The following MYO6 variants were observed in gnomAD, a reference collection of about 807,000 sequenced individuals.
The protein encoded by MYO6 is myosin VI.
In MYO6, 74 loss-of-function variants were observed where a neutral mutation model predicts 178.7. The observed-to-expected ratio is 0.41, with a 90% CI of 0.34 to 0.50. The LOEUF is 0.50. Among genes scored for constraint, MYO6 ranks in the 20% least tolerant of loss-of-function variants. MYO6 has a pLI of 0.09. For synonymous variants in MYO6, 477 were observed against 504.6 expected, an observed-to-expected ratio of 0.95 and a Z score of 0.73; for missense variants, 1,330 against 1,547.4, an observed-to-expected ratio of 0.86 and a Z score of 2.36.
At chr6:75,888,527 T>A (rs1778648258) in intron 25 of MYO6, among the ~76,000 whole-genome samples, 1 of 151,752 alleles carries the variant, frequency 6.6e-6, no homozygotes, top group African/African-American at 2.4e-5. Context: ...GAGGATTGCT[T>A]GAGCCTAGGA....
At position 75,835,972 on chromosome 6, in the gene MYO6, C is replaced by T; in HGVS notation, c.553+16C>T. On this transcript the variant is annotated intron_variant, in intron 7 of 34. Coordinates refer to ENST00000369977, the MANE Select transcript of MYO6 (RefSeq NM_004999.4). ...ATTGTTGAAGGTATTGCTAATTTTT[C>T]AGTTGTTACGCGTGTACTGAAATTA... 3 of 1,570,926 alleles carry T rather than the reference C, an allele frequency of 1.9e-6. No homozygotes were observed. Among genetic ancestry groups the T allele is most frequent in the African/African-American group, 1.3e-5 (1 of 74,148 alleles).
intron 1 of MYO6, among the ~76,000 whole-genome samples, chr6:75,763,049 C>T (rs1328036864): frequency 1.2e-4 from 17 of 140,506 alleles, no homozygotes; most frequent in South Asian, 4.5e-4. Flanking sequence ...TTTTTTGAGA[C>T]GGAGTCTCAC....
At position 75,915,338 on chromosome 6, in the gene MYO6, C is replaced by CT; in HGVS notation, c.*332dup. The CT allele has an allele frequency of 2.7e-6, 1 of 364,120 alleles. No homozygotes were observed. Among genetic ancestry groups the CT allele is most frequent in the South Asian group, 2.6e-5 (1 of 39,150 alleles). 22.6% of individuals were successfully genotyped at this position (364,120 alleles called of 1,614,324 possible). On this transcript the variant is annotated 3_prime_UTR_variant, in exon 35 of 35. Transcript: ENST00000369977. ...GTAATTGTTCTCTAGGAAAAGAGAA[C>CT]TTTTTTCAAAATTCAAAATACTTTT...
chr6:75,830,418 A>G lies in MYO6; in HGVS notation c.264A>G (p.Thr88=), dbSNP rs1772961050. ...ATGTTTATGCTTTTCGTATTTAGAC[A>G]TATGTCGCCAACATTCTGATTGCAG... The part of the protein sequence containing the change: ...KVRYSKDRIY[T]YVANILIAVN... The change falls in exon 5 of 35, where the codon ACA becomes ACG. Residue 88 remains threonine (T), a splice_region_variant and synonymous_variant. Transcript: ENST00000369977. 6.2e-7 allele frequency: 1 copy of G among 1,610,516 alleles called. No homozygotes were observed. The highest frequency in any genetic ancestry group is 8.5e-7 in the Non-Finnish European group (1 of 1,177,016).
chr6:75,854,275 CTTTTTTTTTTTTTTT>C (rs61398235), intron 11 of MYO6, among the ~76,000 whole-genome samples: 5 of 45,464 alleles, frequency 1.1e-4, no homozygotes, highest in African/African-American at 3.3e-4. Flanking sequence ...AACTGCATTG[CTTTTTTTTTTTTTTT>C]TTTTTTTTTT....
rs959111072 is a variant in MYO6 at position 75,791,037 on chromosome 6, C to T, written c.-47-26464C>T. 2.6e-5 allele frequency among the ~76,000 whole-genome samples: 4 copies of T among 152,064 alleles called. No individual in the cohort carries two copies. In the South Asian group the frequency reaches 8.3e-4, roughly 32 times the overall value. ...CAAGCTCCGCCTCCCGAGTTCATGC[C>T]ATTCTCCTGCCTCAACCTCCCGAGT... is the stretch of plus-strand genomic sequence containing the variant. On this transcript the variant is annotated intron_variant, in intron 1 of 34. Transcript: ENST00000369977.
rs1781137569 is a variant in MYO6, at chr6:75,916,709, A to G, written c.*1697A>G. On this transcript the variant is annotated 3_prime_UTR_variant, in exon 35 of 35. Transcript: ENST00000369977. ...TGAGTAAAGTTCTTGAACAAAATTT[A>G]GTAGCCAAATTGTTTTTTAATGACA... The G allele has an allele frequency of 6.6e-6, 1 of 152,434 alleles. No individual in the cohort carries two copies. Among genetic ancestry groups the G allele is most frequent in the Non-Finnish European group, 1.5e-5 (1 of 68,020 alleles). 9.4% of individuals were successfully genotyped at this position (152,434 alleles called of 1,614,324 possible). A position where few individuals can be genotyped will look rare whatever the true frequency, so the allele number is the denominator to read the frequency against.
rs369585827 is a variant in MYO6 at position 75,806,761 on chromosome 6, G to A, written c.-47-10740G>A. The stretch of plus-strand genomic sequence containing the variant: ...CTAGCCAGACCCACCCCTTTATTTA[G>A]GCCCATCCTATACTTTTAGTTAATC... On this transcript the variant is annotated intron_variant, in intron 1 of 34. Coordinates refer to ENST00000369977, the MANE Select transcript of MYO6 (RefSeq NM_004999.4). Among the ~76,000 whole-genome samples, 3 of 152,178 alleles carry A rather than the reference G, an allele frequency of 2.0e-5. No homozygotes were observed. In the East Asian group the frequency reaches 5.8e-4, roughly 29 times the overall value.
At chr6:75,870,734 A>G (rs760367014) in intron 19 of MYO6, 49 bp downstream of exon 19, 4 of 1,409,072 alleles carry the variant, frequency 2.8e-6, no homozygotes, top group East Asian at 2.3e-5. Flanking sequence ...ATCTAAAACT[A>G]TTATTAGTAA....
intron 5 of MYO6, among the ~76,000 whole-genome samples, chr6:75,831,767 A>G (rs1312451099): frequency 2.0e-5 from 3 of 151,844 alleles, no homozygotes; most frequent in Non-Finnish European, 4.4e-5. Flanking sequence ...GTGCTTGCCT[A>G]TAGTCCCAGC....
intron 30 of MYO6, among the ~76,000 whole-genome samples, chr6:75,903,752 G>T (rs1190344117): frequency 6.6e-6 from 1 of 151,720 alleles, no homozygotes; most frequent in African/African-American, 2.4e-5. Context: ...TGTTATCTGT[G>T]AATTTGATCC....
chr6:75,763,325 A>G (rs1778117449), intron 1 of MYO6, among the ~76,000 whole-genome samples: 1 of 152,144 alleles, frequency 6.6e-6, no homozygotes, highest in Non-Finnish European at 1.5e-5. Flanking sequence ...TGCCCGGCAT[A>G]ATTTTTTTAT....
chr6:75,851,953 G>A (rs1775307550), intron 11 of MYO6, among the ~76,000 whole-genome samples: 2 of 152,176 alleles, frequency 1.3e-5, no homozygotes, highest in Non-Finnish European at 2.9e-5. Flanking sequence ...GCAGAAAACT[G>A]CATTGGGACT....
At chr6:75,824,107 A>G (rs993185489) in intron 3 of MYO6, among the ~76,000 whole-genome samples, 18 of 152,200 alleles carry the variant, frequency 1.2e-4, no homozygotes, top group Non-Finnish European at 5.9e-5. Flanking sequence ...CTGGGAATCA[A>G]TCCTTTTCAT....
rs779561190 is a variant in MYO6, at chr6:75,857,220, C to T, written c.1347C>T (p.Ser449=). Residue 449 remains serine (S), a synonymous_variant, in exon 13 of 35, where the codon TCC becomes TCT. Transcript: ENST00000369977. ...AGTGTTTTCCTTTTGAAACATCATC[C>T]TATTTTATTGGAGTCCTAGATATTG... ...VNQCFPFETS[S]YFIGVLDIAG... is the part of the protein sequence containing the mutation. 6.2e-7 allele frequency: 1 copy of T among 1,613,822 alleles called. No homozygotes were observed. The highest frequency in any genetic ancestry group is 8.5e-7 in the Non-Finnish European group (1 of 1,179,814).
chr6:75,793,597 C>CA (rs534221434), intron 1 of MYO6, among the ~76,000 whole-genome samples: 496 of 144,540 alleles, frequency 3.4e-3, no homozygotes, highest in Non-Finnish European at 5.1e-3. Context: ...GACACTTTCT[C>CA]AAAAAAAAAG....
intron 19 of MYO6, among the ~76,000 whole-genome samples, chr6:75,871,387 C>T (rs1777130142): frequency 6.6e-6 from 1 of 152,116 alleles, no homozygotes; most frequent in Non-Finnish European, 1.5e-5. Flanking sequence ...CTAGCTGAGA[C>T]TACAGGCATG....
At chr6:75,840,448 A>G (rs962790684) in intron 7 of MYO6, 137 bp from the exon 8 acceptor site, 6 of 691,270 alleles carry the variant, frequency 8.7e-6, no homozygotes, top group Non-Finnish European at 1.5e-5. Flanking sequence ...GGCATGAGCC[A>G]CTGTGTCCCG....
At chr6:75,773,297 C>G (rs1188236388) in intron 1 of MYO6, among the ~76,000 whole-genome samples, 1 of 152,162 alleles carries the variant, frequency 6.6e-6, no homozygotes, top group Non-Finnish European at 1.5e-5. Flanking sequence ...TAACACTCAA[C>G]TCTGCAGCTG....
Sources: allele counts gnomAD v4.1 joint callset (sites outside exome capture counted in the v4.1 genomes callset), GRCh38; gene constraint gnomAD v4.1.1; transcripts MANE v1.5; gene names NCBI Gene and HGNC (gene_info 2026-07-23, HGNC 2026-07-21).